The following PARVA variants were observed in gnomAD, a reference collection of about 807,000 sequenced individuals.
PARVA encodes alpha-parvin.
PARVA carries 25 observed loss-of-function variants against 52.6 expected under a neutral mutation model. The observed-to-expected ratio is 0.48, with a 90% CI of 0.35 to 0.66. The LOEUF (loss-of-function observed/expected upper bound fraction) is 0.66. PARVA is among the 30% of genes least tolerant of loss of function. The probability of loss-of-function intolerance (pLI) is 0.01; values close to 1 mark genes in which losing one functional copy is unlikely to be tolerated. For synonymous variants in PARVA, 185 were observed against 179.1 expected (o/e 1.03, Z -0.26); for missense variants, 373 against 450.9 (o/e 0.83, Z 1.56).
intron 1 of PARVA, among the ~76,000 whole-genome samples, chr11:12,407,053 T>C (rs1189422696): frequency 1.3e-5 from 2 of 152,186 alleles, no homozygotes; most frequent in Non-Finnish European, 1.5e-5. Context: ...GACCCTAGAA[T>C]ATATTCATTA....
chr11:12,502,939 T>C (rs1564864447), intron 5 of PARVA, among the ~76,000 whole-genome samples: 1 of 152,190 alleles, frequency 6.6e-6, no homozygotes, highest in Admixed American at 6.5e-5. Flanking sequence ...CCCAAGGCCA[T>C]GTAGCCAGTA....
chr11:12,437,013 A>G (rs986477088), intron 1 of PARVA, among the ~76,000 whole-genome samples: 3 of 152,224 alleles, frequency 2.0e-5, no homozygotes, highest in Admixed American at 1.3e-4. Context: ...TCAATGTGGT[A>G]TCATCACCAC....
chr11:12,488,830 A>G (rs771643086), intron 4 of PARVA, among the ~76,000 whole-genome samples: 1 of 152,226 alleles, frequency 6.6e-6, no homozygotes, highest in African/African-American at 2.4e-5. Context: ...GTGCCCCAAG[A>G]CAGAAGCAAA....
At chr11:12,470,794 A>G (rs537522917) in intron 1 of PARVA, among the ~76,000 whole-genome samples, 3 of 152,174 alleles carry the variant, frequency 2.0e-5, no homozygotes, top group South Asian at 4.1e-4. Flanking sequence ...GTCACAAGAA[A>G]GCTTGAAGTG....
At chr11:12,471,087 C>T (rs1403427973) in intron 1 of PARVA, among the ~76,000 whole-genome samples, 4 of 152,142 alleles carry the variant, frequency 2.6e-5, no homozygotes, top group Non-Finnish European at 4.4e-5. Context: ...AGTGATTCCT[C>T]GGAGCTTGGC....
intron 1 of PARVA, 88 bp from the exon 2 acceptor site, chr11:12,473,657 A>G (rs1300703610): frequency 9.3e-6 from 9 of 972,146 alleles, no homozygotes; most frequent in African/African-American, 3.3e-5. Flanking sequence ...TTTTTTCTCA[A>G]TGTCAATATC....
intron 1 of PARVA, among the ~76,000 whole-genome samples, chr11:12,387,554 C>CATGTGT (rs1555029147): frequency 7.4e-5 from 11 of 149,128 alleles, no homozygotes; most frequent in African/African-American, 2.7e-4. Context: ...TATTTTTGAG[C>CATGTGT]GTGTGTGTGT....
chr11:12,497,522 C>A (rs1941312593), intron 5 of PARVA, among the ~76,000 whole-genome samples: 1 of 152,248 alleles, frequency 6.6e-6, no homozygotes, highest in Non-Finnish European at 1.5e-5. Context: ...CACAATCCCT[C>A]CAGCAGGTCT....
intron 4 of PARVA, among the ~76,000 whole-genome samples, chr11:12,485,943 G>A (rs977476305): frequency 1.8e-4 from 28 of 152,298 alleles, no homozygotes; most frequent in Non-Finnish European, 1.5e-4. Context: ...AACAATGCAA[G>A]TGTGAAAAAC....
intron 1 of PARVA, among the ~76,000 whole-genome samples, chr11:12,448,215 G>T (rs553501239): frequency 6.6e-6 from 1 of 152,110 alleles, no homozygotes; most frequent in Non-Finnish European, 1.5e-5. Flanking sequence ...TGAGGAAGGC[G>T]GGGGGTCATA....
At chr11:12,405,873 G>T (rs1463242966) in intron 1 of PARVA, among the ~76,000 whole-genome samples, 1 of 152,096 alleles carries the variant, frequency 6.6e-6, no homozygotes, top group Non-Finnish European at 1.5e-5. Context: ...CAGGAGAATT[G>T]CTTGAACCTG....
intron 1 of PARVA, among the ~76,000 whole-genome samples, chr11:12,411,539 C>A (rs772023905): frequency 3.9e-5 from 6 of 152,270 alleles, no homozygotes; most frequent in Middle Eastern, 6.8e-3. Flanking sequence ...GTCACGCCTC[C>A]CTAGGTTCCT....
intron 5 of PARVA, among the ~76,000 whole-genome samples, chr11:12,499,652 G>A (rs1941342238): frequency 6.6e-6 from 1 of 151,998 alleles, no homozygotes; most frequent in Non-Finnish European, 1.5e-5. Flanking sequence ...GAAAGTCAGG[G>A]CATAGAGAGG....
chr11:12,513,890 C>A, intron 9 of PARVA, 107 bp from the exon 10 acceptor site: 1 of 993,400 alleles, frequency 1.0e-6, no homozygotes, highest in Non-Finnish European at 1.6e-6. Flanking sequence ...TGGGCCTGAT[C>A]CTCTGCTTTC....
At chr11:12,496,696 G>A in intron 5 of PARVA, 98 bp downstream of exon 5, 5 of 1,204,030 alleles carry the variant, frequency 4.2e-6, no homozygotes, top group Non-Finnish European at 4.6e-6. Context: ...GCAGGCTTCA[G>A]GGGAGGGGGT....
chr11:12,506,299 A>G (rs1941430193), intron 6 of PARVA, among the ~76,000 whole-genome samples: 1 of 152,186 alleles, frequency 6.6e-6, no homozygotes, highest in Non-Finnish European at 1.5e-5. Context: ...CTGCTGTTAT[A>G]TTCATTTATA....
intron 10 of PARVA, among the ~76,000 whole-genome samples, chr11:12,517,313 A>ACCCCCC (rs1405572031): frequency 7.5e-5 from 5 of 66,254 alleles, no homozygotes; most frequent in Admixed American, 3.1e-4. Context: ...ACCACCCCCC[A>ACCCCCC]CCCCCCACCC....
intron 1 of PARVA, among the ~76,000 whole-genome samples, chr11:12,418,375 G>C (rs1335079945): frequency 1.3e-5 from 2 of 152,180 alleles, no homozygotes; most frequent in Admixed American, 1.3e-4. Context: ...CCATCTGCTT[G>C]AGGGCCGTAG....
At chr11:12,466,382 C>G (rs1215020658) in intron 1 of PARVA, among the ~76,000 whole-genome samples, 1 of 151,440 alleles carries the variant, frequency 6.6e-6, no homozygotes, top group Non-Finnish European at 1.5e-5. Context: ...TCTCAGCTCA[C>G]TGCAACCTCT....
Sources: gnomAD v4.1 joint callset for allele counts (sites outside exome capture counted in the v4.1 genomes callset) on GRCh38, gnomAD v4.1.1 for gene constraint, MANE v1.5 for transcripts, NCBI Gene and HGNC (gene_info 2026-07-23, HGNC 2026-07-21) for gene names.